Variants in SPHKAP observed in about 807,000 individuals in gnomAD.
SPHKAP encodes the protein A-kinase anchor protein SPHKAP.
In SPHKAP, 67 loss-of-function variants were observed where a neutral mutation model predicts 137.5. The ratio of observed to expected loss-of-function variants is 0.49; its 90% CI spans 0.40 to 0.60. The LOEUF (loss-of-function observed/expected upper bound fraction) is 0.60, where lower values mean the gene tolerates loss of function less well. Ranked by LOEUF, SPHKAP falls within the 20% of genes least tolerant of loss-of-function variation. The pLI is 0.00. For missense variants in SPHKAP, 2,097 were observed against 2,069.3 expected (o/e 1.01, Z -0.26); for synonymous variants, 813 against 785.3 (o/e 1.04, Z -0.59).
intron 7 of SPHKAP, among the ~76,000 whole-genome samples, chr2:228,013,590 C>A (rs1694466299): frequency 6.6e-6 from 1 of 152,148 alleles, no homozygotes; most frequent in Non-Finnish European, 1.5e-5. Flanking sequence ...TAAGGGTAAT[C>A]ATATACCCTA....
At position 228,099,911 on chromosome 2, in the gene SPHKAP, G is replaced by T. The variant is rs1016752081; in HGVS notation, c.246+8921C>A. On this transcript the variant is annotated intron_variant, in intron 3 of 11. Coordinates refer to ENST00000392056, the MANE Select transcript of SPHKAP (RefSeq NM_001142644.2). ...GTGGCCCAGGCGGGAGTGCAGTGGC[G>T]CAATCTCGGCTCACTGCAAGCTCCG... Among the ~76,000 whole-genome samples, 3 of 151,378 alleles carry T rather than the reference G, an allele frequency of 2.0e-5. No individual in the cohort carries two copies. The East Asian group carries it at 5.9e-4, about 30-fold the overall frequency.
intron 2 of SPHKAP, among the ~76,000 whole-genome samples, chr2:228,123,866 G>T (rs922307179): frequency 1.3e-5 from 2 of 151,990 alleles, no homozygotes; most frequent in Non-Finnish European, 2.9e-5. Flanking sequence ...AATTTACAGA[G>T]AACTCAAACA....
chr2:228,032,898 A>G (rs911510624), intron 3 of SPHKAP, among the ~76,000 whole-genome samples: 25 of 152,290 alleles, frequency 1.6e-4, no homozygotes, highest in African/African-American at 5.8e-4. Context: ...GGAAAGGAAC[A>G]ACCGGTACCT....
chr2:228,117,487 A>G (rs1042727428), intron 2 of SPHKAP, among the ~76,000 whole-genome samples: 1 of 152,130 alleles, frequency 6.6e-6, no homozygotes, highest in African/African-American at 2.4e-5. Flanking sequence ...GAAGACTGCG[A>G]TGTGAGTGGC....
chr2:228,083,701 A>G (rs1372440544), intron 3 of SPHKAP, among the ~76,000 whole-genome samples: 1 of 152,212 alleles, frequency 6.6e-6, no homozygotes, highest in Non-Finnish European at 1.5e-5. Context: ...CATCAGTGAT[A>G]GACTGGATAA....
chr2:228,033,852 C>T (rs1695459098), intron 3 of SPHKAP, among the ~76,000 whole-genome samples: 2 of 152,150 alleles, frequency 1.3e-5, no homozygotes, highest in South Asian at 4.1e-4. Context: ...ACACAACATA[C>T]CAGAATCTCT....
In SPHKAP at chr2:227,990,997, T is replaced by C; in HGVS notation, c.4959+3A>G. ...CTTGTTTTCCAAACCTGGTACATGA[T>C]ACCTTTTCAATTCTGTTTTCCTGAG... On this transcript the variant is annotated splice_donor_region_variant and intron_variant, in intron 11 of 11. Coordinates refer to ENST00000392056, the MANE Select transcript of SPHKAP (RefSeq NM_001142644.2). 6.2e-7 allele frequency: 1 copy of C among 1,613,628 alleles called. No individual in the cohort carries two copies. Among genetic ancestry groups the C allele is most frequent in the Non-Finnish European group, 8.5e-7 (1 of 1,179,644 alleles).
chr2:228,158,322 C>CTTTCT (rs1700171531), intron 1 of SPHKAP, among the ~76,000 whole-genome samples: 1 of 97,778 alleles, frequency 1.0e-5, no homozygotes, highest in East Asian at 3.7e-4. Flanking sequence ...TAATTTACTT[C>CTTTCT]TTTCTTTTTT....
Position 227,992,192 on chromosome 2 carries a change from G to A in SPHKAP, c.4722-866C>T, listed in dbSNP as rs557900991. ...GTACAGGAGCCCTCAAAAATGTGTT[G>A]TTTGACGATAGATGATTCTCTCATT... On this transcript the variant is annotated intron_variant, in intron 9 of 11. Coordinates refer to ENST00000392056, the MANE Select transcript of SPHKAP (RefSeq NM_001142644.2). Among the ~76,000 whole-genome samples the A allele has an allele frequency of 2.6e-5, 4 of 152,332 alleles. No individual in the cohort carries two copies. The South Asian group carries it at 6.2e-4, about 24-fold the overall frequency.
intron 11 of SPHKAP, among the ~76,000 whole-genome samples, chr2:227,990,106 G>C (rs1693361911): frequency 6.6e-6 from 1 of 152,202 alleles, no homozygotes. Context: ...ACATGGAACT[G>C]AATTAGCACA....
intron 1 of SPHKAP, among the ~76,000 whole-genome samples, chr2:228,176,412 A>G (rs1700742280): frequency 1.3e-5 from 2 of 152,212 alleles, no homozygotes; most frequent in South Asian, 4.1e-4. Context: ...ATAGAAGACT[A>G]AAGTAGGAGT....
intron 3 of SPHKAP, among the ~76,000 whole-genome samples, chr2:228,097,324 C>G (rs1469060596): frequency 2.0e-5 from 3 of 152,150 alleles, no homozygotes; most frequent in African/African-American, 7.2e-5. Flanking sequence ...TTTAAAAACA[C>G]ACTTCGATTT....
intron 1 of SPHKAP, among the ~76,000 whole-genome samples, chr2:228,137,462 A>G (rs1050271678): frequency 1.3e-5 from 2 of 152,240 alleles, no homozygotes; most frequent in Non-Finnish European, 2.9e-5. Context: ...TTCTAATGAA[A>G]AGAGATTCTG....
intron 1 of SPHKAP, among the ~76,000 whole-genome samples, chr2:228,156,688 T>G (rs1700116460): frequency 6.6e-6 from 1 of 152,192 alleles, no homozygotes; most frequent in South Asian, 2.1e-4. Context: ...TCCCTTGTGT[T>G]GTGGGAGGGA....
intron 3 of SPHKAP, among the ~76,000 whole-genome samples, chr2:228,084,450 C>CA (rs1697475859): frequency 6.6e-6 from 1 of 152,028 alleles, no homozygotes; most frequent in African/African-American, 2.4e-5. Flanking sequence ...CCATTCACTT[C>CA]ATGTTTTTAT....
At chr2:228,000,126 GT>G (rs1184405529) in intron 7 of SPHKAP, among the ~76,000 whole-genome samples, 1 of 152,160 alleles carries the variant, frequency 6.6e-6, no homozygotes, top group East Asian at 1.9e-4. Context: ...TGTCTCCATA[GT>G]TTTGCCTTTC....
chr2:227,993,624 A>G lies in SPHKAP; in HGVS notation c.4635-4T>C. The G allele has an allele frequency of 6.3e-7, 1 of 1,583,102 alleles. No individual in the cohort carries two copies. The highest frequency in any genetic ancestry group is 8.6e-7 in the Non-Finnish European group (1 of 1,163,678). On this transcript the variant is annotated splice_region_variant and splice_polypyrimidine_tract_variant and intron_variant, in intron 8 of 11. Transcript: ENST00000392056. ...AGTGGCACTACTGTTGCCATTGCTG[A>G]CAAAGCAAAAGTTTACATATTAATG...
At chr2:228,097,796 T>A (rs1009819897) in intron 3 of SPHKAP, among the ~76,000 whole-genome samples, 1 of 152,196 alleles carries the variant, frequency 6.6e-6, no homozygotes, top group African/African-American at 2.4e-5. Context: ...TATATCTGTA[T>A]CTGCAAAGAA....
In SPHKAP at chr2:228,017,826, G is replaced by A; in HGVS notation, c.3028C>T (p.His1010Tyr). ...LSEIKRKTDE[H>Y]PELKEKLMNR... ...ATCAGCTTTTCTTTAAGCTCAGGGTGCTCGTCCGTCTTCCTCTTGATCTCA... is the reference window on the plus strand; with the variant it reads ...ATCAGCTTTTCTTTAAGCTCAGGGTACTCGTCCGTCTTCCTCTTGATCTCA... The change falls in exon 7 of 12, where the codon CAC becomes TAC. Residue 1010 changes from histidine to tyrosine, a missense_variant. Transcript: ENST00000392056. 1.2e-6 allele frequency: 2 copies of A among 1,614,116 alleles called. No homozygotes were observed. Among genetic ancestry groups the A allele is most frequent in the Non-Finnish European group, 1.7e-6 (2 of 1,180,020 alleles).
Sources: allele counts gnomAD v4.1 joint callset (sites outside exome capture counted in the v4.1 genomes callset), GRCh38; gene constraint gnomAD v4.1.1; transcripts MANE v1.5; gene names NCBI Gene and HGNC (gene_info 2026-07-23, HGNC 2026-07-21).